The following UQCC1 variants were observed in gnomAD, a reference collection of about 807,000 sequenced individuals.
UQCC1 encodes the protein ubiquinol-cytochrome c reductase complex assembly factor 1, also known as bFGF-repressed Zic-binding protein.
In UQCC1, 38 loss-of-function variants were observed where a neutral mutation model predicts 48.0. The ratio of observed to expected loss-of-function variants is 0.79; its 90% CI spans 0.61 to 1.04. The LOEUF is 1.04. Among genes scored for constraint, UQCC1 ranks in the 50% least tolerant of loss-of-function variants. The pLI is 0.00. For missense variants in UQCC1, 368 were observed against 381.8 expected (o/e 0.96, Z 0.30); for synonymous variants, 111 against 129.2 (o/e 0.86, Z 0.95).
chr20:35,397,440 C>CG (rs1157950355), intron 1 of UQCC1, among the ~76,000 whole-genome samples: 1 of 144,990 alleles, frequency 6.9e-6, no homozygotes, highest in East Asian at 2.1e-4. Context: ...GGCATGAACC[C>CG]GGGAGGCGGA....
chr20:35,340,858 A>G (rs1292163011), intron 7 of UQCC1, among the ~76,000 whole-genome samples: 9 of 151,702 alleles, frequency 5.9e-5, no homozygotes, highest in Admixed American at 5.9e-4. Context: ...ACAGGTGGTG[A>G]TTACAGAGGC....
intron 6 of UQCC1, among the ~76,000 whole-genome samples, chr20:35,360,227 C>G (rs946057113): frequency 6.6e-6 from 1 of 152,184 alleles, no homozygotes. Flanking sequence ...AGGATGTGCA[C>G]ATGGCCAGGG....
At chr20:35,349,075 A>G (rs747048072) in intron 6 of UQCC1, among the ~76,000 whole-genome samples, 1 of 152,254 alleles carries the variant, frequency 6.6e-6, no homozygotes, top group Non-Finnish European at 1.5e-5. Flanking sequence ...ACAATTCTAT[A>G]TCCATACACA....
chr20:35,310,158 G>A (rs971367550), intron 8 of UQCC1, among the ~76,000 whole-genome samples: 1 of 152,200 alleles, frequency 6.6e-6, no homozygotes, highest in Non-Finnish European at 1.5e-5. Flanking sequence ...TAGAAGGTAA[G>A]CTCTAGTGGG....
At chr20:35,339,551 A>G (rs1291391105) in intron 7 of UQCC1, among the ~76,000 whole-genome samples, 1 of 152,202 alleles carries the variant, frequency 6.6e-6, no homozygotes, top group African/African-American at 2.4e-5. Context: ...CATGAGAAGA[A>G]TATGTATTTG....
At chr20:35,364,834 T>G (rs1201612030) in intron 6 of UQCC1, among the ~76,000 whole-genome samples, 1 of 152,208 alleles carries the variant, frequency 6.6e-6, no homozygotes, top group Non-Finnish European at 1.5e-5. Flanking sequence ...ATATTTTATT[T>G]TATTTTGCCA....
At chr20:35,355,494 G>A (rs1437135055) in intron 6 of UQCC1, among the ~76,000 whole-genome samples, 8 of 152,178 alleles carry the variant, frequency 5.3e-5, no homozygotes, top group Admixed American at 5.2e-4. Flanking sequence ...TGTTGTGAAG[G>A]ACTTTTTTGT....
intron 5 of UQCC1, among the ~76,000 whole-genome samples, chr20:35,371,721 A>C (rs944554984): frequency 1.4e-5 from 2 of 139,738 alleles, no homozygotes; most frequent in Admixed American, 7.3e-5. Context: ...AAAAAAAAAA[A>C]CAGGCTGGGC....
chr20:35,406,561 G>T (rs1233624366), intron 1 of UQCC1, among the ~76,000 whole-genome samples: 1 of 152,202 alleles, frequency 6.6e-6, no homozygotes, highest in Non-Finnish European at 1.5e-5. Flanking sequence ...AAAATGGAAA[G>T]AATTTGTCAG....
intron 7 of UQCC1, among the ~76,000 whole-genome samples, chr20:35,334,769 C>T (rs1224009864): frequency 6.6e-6 from 1 of 152,140 alleles, no homozygotes; most frequent in Non-Finnish European, 1.5e-5. Flanking sequence ...TGTCTGGGAA[C>T]AGAAATCAGA....
intron 7 of UQCC1, among the ~76,000 whole-genome samples, chr20:35,340,928 A>G (rs1378293941): frequency 2.6e-5 from 4 of 152,224 alleles, no homozygotes; most frequent in Non-Finnish European, 4.4e-5. Flanking sequence ...TTGTTAGTTT[A>G]GAAAGATAAA....
chr20:35,388,816 A>G lies in UQCC1; in HGVS notation c.130-4683T>C, dbSNP rs556007772. On this transcript the variant is annotated intron_variant, in intron 2 of 9. Transcript: ENST00000374385. ...GCGGTGGCTCATGCCTGTAATCCCA[A>G]TACTTTGGGAGGCTGAGGCGGGAGG... 2.6e-5 allele frequency among the ~76,000 whole-genome samples: 4 copies of G among 152,242 alleles called. No homozygotes were observed. The East Asian group carries it at 7.8e-4, about 30-fold the overall frequency.
intron 7 of UQCC1, among the ~76,000 whole-genome samples, chr20:35,318,034 C>T (rs2061081988): frequency 6.6e-6 from 1 of 152,178 alleles, no homozygotes. Context: ...TGGAGGATCT[C>T]CCTACTCCCA....
intron 3 of UQCC1, among the ~76,000 whole-genome samples, chr20:35,382,327 G>A (rs540644159): frequency 1.3e-5 from 2 of 151,680 alleles, no homozygotes; most frequent in South Asian, 2.1e-4. Flanking sequence ...CTCTGGAGAG[G>A]GGGGGTCCAT....
rs987354745 is a variant in UQCC1 at position 35,387,113 on chromosome 20, C to T, written c.130-2980G>A. 2.6e-5 allele frequency among the ~76,000 whole-genome samples: 4 copies of T among 151,600 alleles called. No homozygotes were observed. In the East Asian group the frequency reaches 7.7e-4, roughly 29 times the overall value. ...GCAACATGGCAAACCACCATCTCTA[C>T]CCCCCTCCAAAAAAAAACAAAAATT... is the stretch of plus-strand genomic sequence containing the variant. On this transcript the variant is annotated intron_variant, in intron 2 of 9. Transcript: ENST00000374385.
intron 7 of UQCC1, among the ~76,000 whole-genome samples, chr20:35,339,288 C>T (rs542213631): frequency 6.6e-6 from 1 of 152,208 alleles, no homozygotes; most frequent in Admixed American, 6.5e-5. Context: ...TCCAAGAATC[C>T]TTATCCCATC....
chr20:35,307,489 C>T (rs1312071164), intron 8 of UQCC1, among the ~76,000 whole-genome samples: 1 of 152,114 alleles, frequency 6.6e-6, no homozygotes, highest in East Asian at 1.9e-4. Flanking sequence ...AGAGCCCCAG[C>T]CACCAGCTAA....
intron 7 of UQCC1, among the ~76,000 whole-genome samples, chr20:35,333,400 G>C (rs2061279288): frequency 6.6e-6 from 1 of 152,218 alleles, no homozygotes; most frequent in Admixed American, 6.5e-5. Context: ...GAAGAAAGGG[G>C]ATAATGAATA....
intron 7 of UQCC1, among the ~76,000 whole-genome samples, chr20:35,320,058 G>T (rs924281353): frequency 2.0e-5 from 3 of 152,154 alleles, no homozygotes; most frequent in African/African-American, 7.2e-5. Context: ...TATGTGCACA[G>T]ATACATCATG....
Sources: allele counts gnomAD v4.1 joint callset (sites outside exome capture counted in the v4.1 genomes callset), GRCh38; gene constraint gnomAD v4.1.1; transcripts MANE v1.5; gene names NCBI Gene and HGNC (gene_info 2026-07-23, HGNC 2026-07-21).